WDR37: variants seen among roughly 807,000 people sequenced by gnomAD.
The protein encoded by WDR37 is WD repeat domain 37.
In WDR37, 19 loss-of-function variants were observed where a neutral mutation model predicts 62.9. The ratio of observed to expected loss-of-function variants is 0.30; its 90% CI spans 0.21 to 0.44. WDR37 has a LOEUF of 0.44. WDR37 is among the 20% of genes least tolerant of loss of function. The pLI is 1.00. For missense variants in WDR37, 474 were observed against 657.6 expected, an observed-to-expected ratio of 0.72 and a Z score of 3.05; for synonymous variants, 250 against 260.9, an observed-to-expected ratio of 0.96 and a Z score of 0.40.
chr10:1,064,945 C>A (rs1833492654), intron 1 of WDR37, among the ~76,000 whole-genome samples: 1 of 152,020 alleles, frequency 6.6e-6, no homozygotes, highest in Admixed American at 6.6e-5. Context: ...AGTGGCAGGA[C>A]ATTTTTTTCA....
intron 11 of WDR37, among the ~76,000 whole-genome samples, chr10:1,120,626 G>A (rs915719962): frequency 5.3e-5 from 8 of 152,152 alleles, no homozygotes; most frequent in African/African-American, 1.9e-4. Flanking sequence ...AGGGGCTGCC[G>A]TCCACAGGAC....
chr10:1,067,100 A>G (rs1382559116), intron 1 of WDR37, among the ~76,000 whole-genome samples: 16 of 152,178 alleles, frequency 1.1e-4, no homozygotes, highest in Non-Finnish European at 1.5e-5. Context: ...AAATATGTAG[A>G]TCGGTGGAAC....
At chr10:1,110,295 A>G (rs567617710) in intron 11 of WDR37, among the ~76,000 whole-genome samples, 6 of 152,232 alleles carry the variant, frequency 3.9e-5, no homozygotes, top group Admixed American at 6.5e-5. Context: ...ATTGAACACA[A>G]ACTCTTCCTT....
chr10:1,062,026 C>T (rs542893043), intron 1 of WDR37, among the ~76,000 whole-genome samples: 4 of 150,916 alleles, frequency 2.7e-5, no homozygotes, highest in Admixed American at 2.6e-4. Flanking sequence ...TTGGGGGGGC[C>T]AAGGACTGAG....
At chr10:1,057,495 A>T (rs1833229207) in intron 1 of WDR37, among the ~76,000 whole-genome samples, 1 of 152,122 alleles carries the variant, frequency 6.6e-6, no homozygotes, top group Non-Finnish European at 1.5e-5. Flanking sequence ...AAGGGTGGTG[A>T]GTGTGGAGTG....
At chr10:1,123,950 T>C in intron 11 of WDR37, 1 of 423,346 alleles carries the variant, frequency 2.4e-6, no homozygotes, top group Non-Finnish European at 4.2e-6. Flanking sequence ...CAACCCTACT[T>C]TCTGTAACCT....
chr10:1,122,561 GC>G (rs1243971766), intron 11 of WDR37, among the ~76,000 whole-genome samples: 2 of 152,232 alleles, frequency 1.3e-5, no homozygotes, highest in Non-Finnish European at 2.9e-5. Flanking sequence ...AGGACGCGCA[GC>G]CCCCTGGCCG....
intron 8 of WDR37, 79 bp downstream of exon 8, chr10:1,093,575 C>G: frequency 8.7e-7 from 1 of 1,154,252 alleles, no homozygotes; most frequent in South Asian, 1.4e-5. Flanking sequence ...CTTATCGTAG[C>G]AGAATAATCC....
In WDR37 at chr10:1,105,048, G is replaced by C; in HGVS notation, c.962-78G>C. On this transcript the variant is annotated intron_variant, in intron 10 of 13. Coordinates refer to ENST00000263150, the MANE Select transcript of WDR37 (RefSeq NM_014023.4). This position sits in a 1 kb window ranked among gnomAD's most constrained non-coding sequence, Gnocchi z 5.3. ...CAGTCTCAGAGAGACGGCTTCTTGG[G>C]TTCTTGTGCTGTTGAAAAGCGTCTC... is the stretch of plus-strand genomic sequence containing the variant. 2 of 1,559,166 alleles carry C rather than the reference G, an allele frequency of 1.3e-6. No homozygotes were observed. The highest frequency in any genetic ancestry group is 1.8e-6 in the Non-Finnish European group (2 of 1,142,278).
intron 11 of WDR37, among the ~76,000 whole-genome samples, chr10:1,108,035 C>G (rs888990292): frequency 6.6e-6 from 1 of 152,254 alleles, no homozygotes; most frequent in East Asian, 1.9e-4. Context: ...CTATAACACA[C>G]ACTTGTATAT....
chr10:1,091,579 T>C (rs1834389895), intron 7 of WDR37, among the ~76,000 whole-genome samples: 3 of 152,230 alleles, frequency 2.0e-5, no homozygotes, highest in Admixed American at 6.5e-5. Context: ...ACATGCATTT[T>C]CTTCACAAGG....
At chr10:1,086,219 T>G in intron 6 of WDR37, 67 bp from the exon 7 acceptor site, 1 of 1,332,690 alleles carries the variant, frequency 7.5e-7, no homozygotes, top group Non-Finnish European at 1.1e-6. Flanking sequence ...ATTTGTCTTA[T>G]TCTTTCATTT....
At chr10:1,099,330 A>G (rs1834712071) in intron 9 of WDR37, among the ~76,000 whole-genome samples, 1 of 152,250 alleles carries the variant, frequency 6.6e-6, no homozygotes, top group Non-Finnish European at 1.5e-5. Context: ...CCAGGCAGAC[A>G]GTGTAAATGA....
chr10:1,076,189 C>A (rs1197765161), intron 2 of WDR37, among the ~76,000 whole-genome samples: 1 of 151,742 alleles, frequency 6.6e-6, no homozygotes, highest in East Asian at 1.9e-4. Flanking sequence ...GCTATAGTAC[C>A]AATTCAGTAG....
chr10:1,089,643 G>A (rs1401418383), intron 7 of WDR37, among the ~76,000 whole-genome samples: 876 of 29,440 alleles, frequency 0.03, 12 homozygotes, highest in African/African-American at 0.059. Flanking sequence ...CCACAATTCA[G>A]CCTTCCCGTG....
chr10:1,105,061 T>A lies in WDR37; in HGVS notation c.962-65T>A, dbSNP rs1322265446. ...ACGGCTTCTTGGGTTCTTGTGCTGT[T>A]GAAAAGCGTCTCTCTCAGCGTGCTC... On this transcript the variant is annotated intron_variant, in intron 10 of 13. Transcript: ENST00000263150. This position sits in a 1 kb window ranked among gnomAD's most constrained non-coding sequence, Gnocchi z 5.3. 6.9e-6 allele frequency: 11 copies of A among 1,586,922 alleles called. No individual in the cohort carries two copies. Among genetic ancestry groups the A allele is most frequent in the Non-Finnish European group, 4.3e-6 (5 of 1,160,240 alleles).
At chr10:1,108,019 C>T (rs946642994) in intron 11 of WDR37, among the ~76,000 whole-genome samples, 3 of 152,250 alleles carry the variant, frequency 2.0e-5, no homozygotes, top group Admixed American at 6.5e-5. Context: ...GTGTACACAC[C>T]TCTGTCTATA....
intron 7 of WDR37, among the ~76,000 whole-genome samples, chr10:1,090,924 TG>T (rs1378173238): frequency 1.3e-5 from 2 of 152,278 alleles, no homozygotes; most frequent in East Asian, 3.9e-4. Context: ...GCTCACGTGC[TG>T]CCCCGGCCTT....
chr10:1,088,248 TCTTA>T (rs1393087795), intron 7 of WDR37, among the ~76,000 whole-genome samples: 1 of 152,226 alleles, frequency 6.6e-6, no homozygotes, highest in Non-Finnish European at 1.5e-5. Context: ...GGAATAGTGC[TCTTA>T]CTTTCCTTCG....
Sources: gnomAD v4.1 joint callset for allele counts (sites outside exome capture counted in the v4.1 genomes callset) on GRCh38, gnomAD v4.1.1 for gene constraint, Gnocchi (gnomAD v3.1) non-coding constraint, MANE v1.5 for transcripts, NCBI Gene and HGNC (gene_info 2026-07-23, HGNC 2026-07-21) for gene names.